PTPRT: variants seen among roughly 807,000 people sequenced by gnomAD.
The protein encoded by PTPRT is protein tyrosine phosphatase receptor type T, also known as receptor-type tyrosine-protein phosphatase T.
Under a neutral mutation model 176.8 loss-of-function variants are expected in PTPRT, and 56 were observed. The observed-to-expected ratio is 0.32, with a 90% CI of 0.26 to 0.40. The LOEUF is 0.40. Among genes scored for constraint, PTPRT ranks in the 10% least tolerant of loss-of-function variants. PTPRT has a pLI of 1.00. For synonymous variants in PTPRT, 783 were observed against 739.0 expected (o/e 1.06, Z -0.96); for missense variants, 1,540 against 1,908.2 (o/e 0.81, Z 3.60).
intron 7 of PTPRT, among the ~76,000 whole-genome samples, chr20:42,631,836 C>T (rs891970450): frequency 5.9e-5 from 9 of 152,166 alleles, no homozygotes; most frequent in African/African-American, 2.2e-4. Context: ...AAACTCTGCA[C>T]ATTTTAAAGA....
chr20:42,837,769 G>C (rs146648085), intron 2 of PTPRT, among the ~76,000 whole-genome samples: 1 of 152,168 alleles, frequency 6.6e-6, no homozygotes, highest in African/African-American at 2.4e-5. Context: ...AAAGTCCAGT[G>C]AAGAGTGACT....
chr20:42,467,082 GAAGA>G lies in PTPRT; in HGVS notation c.1450+5180_1450+5183del, dbSNP rs1444126308. Among the ~76,000 whole-genome samples, 5 of 152,294 alleles carry G rather than the reference GAAGA, an allele frequency of 3.3e-5. No homozygotes were observed. In the East Asian group the frequency reaches 9.6e-4, roughly 29 times the overall value. ...GGAGACCAAAAACAGGGAGGAAGAT[GAAGA>G]GAGAAACAACTCTTCTCTAAAGAAG... is the stretch of plus-strand genomic sequence containing the variant. On this transcript the variant is annotated intron_variant, in intron 8 of 30. Coordinates refer to ENST00000373187, the MANE Select transcript of PTPRT (RefSeq NM_007050.6).
At chr20:42,565,079 G>A (rs1197689211) in intron 7 of PTPRT, among the ~76,000 whole-genome samples, 1 of 152,110 alleles carries the variant, frequency 6.6e-6, no homozygotes, top group Non-Finnish European at 1.5e-5. Context: ...CTGGCGCCCC[G>A]GGTCCTTCGT....
chr20:42,582,172 G>A (rs1018540832), intron 7 of PTPRT, among the ~76,000 whole-genome samples: 2 of 152,192 alleles, frequency 1.3e-5, no homozygotes, highest in African/African-American at 4.8e-5. Flanking sequence ...GTTCTGTGGA[G>A]AGAAGAGAGG....
chr20:43,084,217 C>T (rs2011542961), intron 1 of PTPRT, among the ~76,000 whole-genome samples: 1 of 152,198 alleles, frequency 6.6e-6, no homozygotes. Flanking sequence ...TGCCATTGTA[C>T]ATCCTCACCA....
intron 1 of PTPRT, among the ~76,000 whole-genome samples, chr20:43,073,478 T>C (rs74891880): frequency 6.6e-4 from 64 of 96,770 alleles, no homozygotes; most frequent in South Asian, 1.5e-3. Context: ...AATATATATA[T>C]ATACACACAC....
intron 2 of PTPRT, among the ~76,000 whole-genome samples, chr20:42,845,679 G>A (rs2078358659): frequency 6.6e-6 from 1 of 152,192 alleles, no homozygotes; most frequent in African/African-American, 2.4e-5. Flanking sequence ...GCTGGATGCA[G>A]GAGTCCAAGA....
intron 2 of PTPRT, among the ~76,000 whole-genome samples, chr20:42,855,427 T>C (rs2078543891): frequency 6.9e-6 from 1 of 145,768 alleles, no homozygotes; most frequent in Admixed American, 6.7e-5. Flanking sequence ...TCTATGTTCA[T>C]GCTTTTTTTT....
rs374466308 is a variant in PTPRT at position 42,890,652 on chromosome 20, A to G, written c.89-4720T>C. ...GCTTCCCCTGGACCGAGAACAGAAA[A>G]CATTTAAACCCAGTAACATCTATCT... On this transcript the variant is annotated intron_variant, in intron 1 of 30. Transcript: ENST00000373187. Among the ~76,000 whole-genome samples, 52 of 152,228 alleles carry G rather than the reference A, an allele frequency of 3.4e-4. 2 individuals are homozygous for G. The South Asian group carries it at 0.011, about 31-fold the overall frequency.
At chr20:42,050,211 G>A in the PTPRT span, among the ~76,000 whole-genome samples, 8 of 152,130 alleles carry the variant, frequency 5.3e-5, no homozygotes, top group Non-Finnish European at 1.0e-4. Flanking sequence ...GTCTCCGTAG[G>A]ATGCAGTTTC....
intron 2 of PTPRT, among the ~76,000 whole-genome samples, chr20:42,845,248 T>C (rs2078349114): frequency 6.6e-6 from 1 of 151,862 alleles, no homozygotes; most frequent in Non-Finnish European, 1.5e-5. Context: ...AGGTCCAGAC[T>C]GGGGAAAGCT....
At chr20:43,114,407 T>TA (rs201444375) in intron 1 of PTPRT, among the ~76,000 whole-genome samples, 260 of 151,202 alleles carry the variant, frequency 1.7e-3, no homozygotes, top group African/African-American at 6.0e-3. Flanking sequence ...TTTTCTCATC[T>TA]AAAAAAAAAT....
intron 2 of PTPRT, among the ~76,000 whole-genome samples, chr20:42,877,492 G>C (rs1270737956): frequency 2.0e-5 from 3 of 152,138 alleles, no homozygotes; most frequent in African/African-American, 4.8e-5. Context: ...TAACACAAAG[G>C]CTGCTCTCGT....
At chr20:42,525,941 A>T (rs1408797365) in intron 7 of PTPRT, among the ~76,000 whole-genome samples, 2 of 152,070 alleles carry the variant, frequency 1.3e-5, no homozygotes, top group Non-Finnish European at 2.9e-5. Flanking sequence ...TTTCAGGGTC[A>T]AACTTTATTT....
chr20:42,063,321 A>G, the PTPRT span, among the ~76,000 whole-genome samples: 3 of 152,112 alleles, frequency 2.0e-5, no homozygotes, highest in Non-Finnish European at 2.9e-5. Context: ...TTTAGCTTGC[A>G]CTTGTTCCAC....
intron 6 of PTPRT, among the ~76,000 whole-genome samples, chr20:42,705,317 G>A (rs981689017): frequency 4.6e-5 from 7 of 152,172 alleles, no homozygotes; most frequent in Non-Finnish European, 7.4e-5. Flanking sequence ...GGCTGAGTCC[G>A]AGAAAGGAGT....
intron 9 of PTPRT, among the ~76,000 whole-genome samples, chr20:42,428,222 C>T (rs919420647): frequency 1.3e-5 from 2 of 152,210 alleles, no homozygotes; most frequent in South Asian, 2.1e-4. Context: ...CCATAGATTA[C>T]AGTTGGAGAA....
chr20:42,201,508 T>C (rs1991444559), intron 15 of PTPRT, among the ~76,000 whole-genome samples: 1 of 151,982 alleles, frequency 6.6e-6, no homozygotes, highest in South Asian at 2.1e-4. Flanking sequence ...TTATAAAAGG[T>C]CTGCTGATAA....
At chr20:42,784,678 T>G (rs1171113262) in intron 3 of PTPRT, among the ~76,000 whole-genome samples, 1 of 152,102 alleles carries the variant, frequency 6.6e-6, no homozygotes, top group African/African-American at 2.4e-5. Context: ...GAGTTTAAAG[T>G]CCAGTTGAAC....
Sources: allele counts gnomAD v4.1 joint callset (sites outside exome capture counted in the v4.1 genomes callset), GRCh38; gene constraint gnomAD v4.1.1; transcripts MANE v1.5; gene names NCBI Gene and HGNC (gene_info 2026-07-23, HGNC 2026-07-21).